Variants in FSTL4 observed in about 807,000 individuals in gnomAD.
The protein encoded by FSTL4 is follistatin like 4, also known as follistatin-related protein 4.
A neutral mutation model predicts 78.2 loss-of-function variants in FSTL4; 28 were observed. That is an observed-to-expected ratio of 0.36 (90% CI 0.27 to 0.49). The LOEUF is 0.49. FSTL4 is among the 20% of genes least tolerant of loss of function. The pLI is 0.98. For synonymous variants in FSTL4, 422 were observed against 440.5 expected, an observed-to-expected ratio of 0.96 and a Z score of 0.53; for missense variants, 922 against 1,084.9, an observed-to-expected ratio of 0.85 and a Z score of 2.11.
chr5:133,547,466 T>C (rs1759604992), intron 3 of FSTL4, among the ~76,000 whole-genome samples: 1 of 152,202 alleles, frequency 6.6e-6, no homozygotes, highest in South Asian at 2.1e-4. Flanking sequence ...TGAAATGCTA[T>C]GGTTTCAGTG....
intron 3 of FSTL4, among the ~76,000 whole-genome samples, chr5:133,455,689 C>T (rs1757473362): frequency 6.6e-6 from 1 of 152,136 alleles, no homozygotes; most frequent in South Asian, 2.1e-4. Context: ...CAGCTCAAGA[C>T]CATATTCAAG....
At chr5:133,671,894 A>C in the FSTL4 span, among the ~76,000 whole-genome samples, 6 of 152,274 alleles carry the variant, frequency 3.9e-5, no homozygotes, top group Non-Finnish European at 5.9e-5. Context: ...GTGGGGGCTA[A>C]GAACGTAAAG....
intron 4 of FSTL4, among the ~76,000 whole-genome samples, chr5:133,317,228 A>G (rs1429664422): frequency 6.6e-6 from 1 of 152,264 alleles, no homozygotes; most frequent in African/African-American, 2.4e-5. Context: ...CAACGTTAAA[A>G]CCGAAGCACA....
At chr5:133,341,146 C>G (rs1054312764) in intron 4 of FSTL4, among the ~76,000 whole-genome samples, 1 of 151,924 alleles carries the variant, frequency 6.6e-6, no homozygotes, top group Admixed American at 6.6e-5. Context: ...GACATGACCT[C>G]CCTTCGAAAC....
the FSTL4 span, among the ~76,000 whole-genome samples, chr5:133,679,169 C>T: frequency 6.6e-6 from 1 of 152,086 alleles, no homozygotes; most frequent in East Asian, 1.9e-4. Context: ...CATTTCTGCC[C>T]AGGGAAGCTC....
At chr5:133,707,549 C>G in the FSTL4 span, among the ~76,000 whole-genome samples, 1 of 152,220 alleles carries the variant, frequency 6.6e-6, no homozygotes, top group Non-Finnish European at 1.5e-5. Context: ...GGGTCAGGAA[C>G]AGGAGCCTGG....
intron 6 of FSTL4, among the ~76,000 whole-genome samples, chr5:133,251,915 CTG>C (rs1325776339): frequency 1.3e-5 from 2 of 152,192 alleles, no homozygotes; most frequent in Non-Finnish European, 2.9e-5. Flanking sequence ...GTACACCAGA[CTG>C]TGAGCCCAGA....
upstream of FSTL4, among the ~76,000 whole-genome samples, chr5:133,614,780 C>A (rs1411551113): frequency 1.3e-5 from 2 of 152,102 alleles, no homozygotes; most frequent in Non-Finnish European, 2.9e-5. Context: ...TCATGTAATT[C>A]AATAAGCTTG....
the FSTL4 span, among the ~76,000 whole-genome samples, chr5:133,639,022 G>A: frequency 1.3e-5 from 2 of 151,944 alleles, no homozygotes; most frequent in Non-Finnish European, 2.9e-5. Context: ...GTGTAGGTTT[G>A]TTACATTGGT....
chr5:133,503,439 C>G (rs1194499486), intron 3 of FSTL4, among the ~76,000 whole-genome samples: 6 of 151,816 alleles, frequency 4.0e-5, no homozygotes, highest in Non-Finnish European at 7.4e-5. Context: ...TGTGCACTGG[C>G]TCCGGCACAC....
At chr5:133,608,652 C>CTCCTTGTCACAA (rs1375473718) in intron 1 of FSTL4, among the ~76,000 whole-genome samples, 4 of 152,302 alleles carry the variant, frequency 2.6e-5, no homozygotes, top group Admixed American at 2.6e-4. Flanking sequence ...GATTGTCTAC[C>CTCCTTGTCACAA]TCCTTGTGAA....
chr5:133,605,964 G>A (rs1019664471), intron 1 of FSTL4, among the ~76,000 whole-genome samples: 10 of 152,054 alleles, frequency 6.6e-5, no homozygotes, highest in African/African-American at 9.7e-5. Flanking sequence ...TGAGGACTGC[G>A]GCAGTCACGG....
the FSTL4 span, among the ~76,000 whole-genome samples, chr5:133,803,293 C>A: frequency 1.3e-5 from 2 of 152,306 alleles, no homozygotes; most frequent in Middle Eastern, 3.4e-3. Context: ...CCTGAGCAAA[C>A]TCACCTCCTC....
chr5:133,296,416 G>A (rs1018699514), intron 6 of FSTL4, among the ~76,000 whole-genome samples: 1 of 152,134 alleles, frequency 6.6e-6, no homozygotes, highest in African/African-American at 2.4e-5. Flanking sequence ...ATCCCTTCTC[G>A]ACTTGAAGCC....
the FSTL4 span, among the ~76,000 whole-genome samples, chr5:133,800,184 GC>G: frequency 7.2e-6 from 1 of 138,630 alleles, no homozygotes; most frequent in African/African-American, 2.6e-5. Flanking sequence ...AAAGGTTGGT[GC>G]TGAGAAGCAG....
intron 4 of FSTL4, among the ~76,000 whole-genome samples, chr5:133,329,398 G>T (rs944509693): frequency 9.2e-5 from 14 of 151,748 alleles, no homozygotes; most frequent in East Asian, 3.9e-4. Context: ...AAGAGAGAGA[G>T]AGATATATAT....
chr5:133,652,477 T>A, the FSTL4 span, among the ~76,000 whole-genome samples: 3 of 152,248 alleles, frequency 2.0e-5, no homozygotes, highest in Non-Finnish European at 4.4e-5. Context: ...CAAAATATTT[T>A]AAATTTTCTT....
At chr5:133,792,328 G>C in the FSTL4 span, among the ~76,000 whole-genome samples, 1 of 152,170 alleles carries the variant, frequency 6.6e-6, no homozygotes, top group African/African-American at 2.4e-5. Flanking sequence ...CATGGGGTCT[G>C]CCAGGCACCA....
chr5:133,280,739 C>A (rs1254285328), intron 6 of FSTL4, among the ~76,000 whole-genome samples: 1 of 152,238 alleles, frequency 6.6e-6, no homozygotes, highest in Non-Finnish European at 1.5e-5. Flanking sequence ...CACCCTCCTT[C>A]TGTGATGGCC....
Sources: allele counts gnomAD v4.1 joint callset (sites outside exome capture counted in the v4.1 genomes callset), GRCh38; gene constraint gnomAD v4.1.1; transcripts MANE v1.5; gene names NCBI Gene and HGNC (gene_info 2026-07-23, HGNC 2026-07-21).